The following PHKB variants were observed in gnomAD, a reference collection of about 807,000 sequenced individuals.
The protein encoded by PHKB is phosphorylase kinase regulatory subunit beta.
A neutral mutation model predicts 152.1 loss-of-function variants in PHKB; 122 were observed. The ratio of observed to expected loss-of-function variants is 0.80; its 90% CI spans 0.69 to 0.93. The LOEUF (loss-of-function observed/expected upper bound fraction) is 0.93, where lower values mean the gene tolerates loss of function less well. PHKB is among the 40% of genes least tolerant of loss of function. The pLI, the probability that PHKB is intolerant of heterozygous loss-of-function variation, is 0.00. For missense variants in PHKB, 1,304 were observed against 1,328.4 expected (o/e 0.98, Z 0.29); for synonymous variants, 436 against 464.9 (o/e 0.94, Z 0.80).
intron 14 of PHKB, among the ~76,000 whole-genome samples, chr16:47,612,737 A>C (rs1197922583): frequency 1.3e-5 from 2 of 152,146 alleles, no homozygotes; most frequent in East Asian, 3.9e-4. Context: ...GCAAAAAACT[A>C]CTGGGAGTGG....
chr16:47,567,793 T>C (rs1971594911), intron 7 of PHKB, among the ~76,000 whole-genome samples: 2 of 152,264 alleles, frequency 1.3e-5, no homozygotes, highest in South Asian at 4.1e-4. Flanking sequence ...TCTTTTAAAA[T>C]AATCGTATGG....
At chr16:47,548,861 A>T (rs1971221708) in intron 7 of PHKB, among the ~76,000 whole-genome samples, 1 of 152,164 alleles carries the variant, frequency 6.6e-6, no homozygotes, top group Non-Finnish European at 1.5e-5. Flanking sequence ...AATTGTTGTC[A>T]TTGTTGTAAT....
Position 47,593,719 on chromosome 16 carries a change from ACTC to A in PHKB, c.1126+163_1126+165del, listed in dbSNP as rs1972071560. Among the ~76,000 whole-genome samples, 6 of 152,096 alleles carry A rather than the reference ACTC, an allele frequency of 3.9e-5. No homozygotes were observed. In the South Asian group the frequency reaches 1.2e-3, roughly 32 times the overall value. On this transcript the variant is annotated intron_variant, in intron 11 of 30. Coordinates refer to ENST00000323584, the MANE Select transcript of PHKB (RefSeq NM_000293.3). ...TAATTGCCCTGCATTTGTATATACTACTCTTTTGCTTTCTGAGTGAATGCTAAA... is the reference window on the plus strand; with the variant it reads ...TAATTGCCCTGCATTTGTATATACTATTTTGCTTTCTGAGTGAATGCTAAA...
intron 1 of PHKB, among the ~76,000 whole-genome samples, chr16:47,478,086 A>C (rs1474392234): frequency 6.6e-6 from 1 of 152,186 alleles, no homozygotes; most frequent in African/African-American, 2.4e-5. Context: ...ATTTCTGGAA[A>C]AGTCTTGAAC....
Position 47,669,328 on chromosome 16 carries a change from G to A in PHKB, c.2541G>A (p.Ala847=), listed in dbSNP as rs778551862. The change falls in exon 26 of 31, where the codon GCG becomes GCA. Residue 847 remains alanine, a synonymous_variant. Transcript: ENST00000323584. The part of the protein sequence containing the change: ...YKCNTHDERE[A]VIQQELVIHI... ...GTAACACCCATGATGAGAGGGAAGC[G>A]GTCATTCAGCAAGAACTGGTCATCC... 27 of 1,613,914 alleles carry A rather than the reference G, an allele frequency of 1.7e-5. No individual in the cohort carries two copies. The highest frequency in any genetic ancestry group is 1.1e-4 in the East Asian group (5 of 44,890).
At chr16:47,468,068 A>G (rs1168628853) in intron 1 of PHKB, among the ~76,000 whole-genome samples, 1 of 152,204 alleles carries the variant, frequency 6.6e-6, no homozygotes, top group African/African-American at 2.4e-5. Flanking sequence ...TCAAGCTAAA[A>G]AGGTTATTCC....
chr16:47,471,962 A>G (rs1257578224), intron 1 of PHKB, among the ~76,000 whole-genome samples: 1 of 152,220 alleles, frequency 6.6e-6, no homozygotes, highest in African/African-American at 2.4e-5. Flanking sequence ...AGGCTGAGGC[A>G]GGAGAATGGC....
At chr16:47,496,139 C>T (rs1330403903) in intron 1 of PHKB, among the ~76,000 whole-genome samples, 1 of 148,316 alleles carries the variant, frequency 6.7e-6, no homozygotes, top group African/African-American at 2.5e-5. Context: ...TGATTTCTGC[C>T]ACTAGGTAAA....
intron 16 of PHKB, among the ~76,000 whole-genome samples, chr16:47,642,435 C>T (rs754169483): frequency 6.6e-6 from 1 of 152,162 alleles, no homozygotes; most frequent in Non-Finnish European, 1.5e-5. Context: ...GTTAGAGACA[C>T]GACATTGTTG....
intron 13 of PHKB, among the ~76,000 whole-genome samples, chr16:47,609,364 T>C (rs527518201): frequency 6.6e-6 from 1 of 150,830 alleles, no homozygotes; most frequent in South Asian, 2.1e-4. Flanking sequence ...AATTTTCTTG[T>C]GATACTTTGA....
chr16:47,661,155 C>A (rs1973437201), intron 22 of PHKB, among the ~76,000 whole-genome samples: 1 of 152,100 alleles, frequency 6.6e-6, no homozygotes, highest in Non-Finnish European at 1.5e-5. Flanking sequence ...CCCATCTTGT[C>A]CCCTGCCCCA....
intron 14 of PHKB, among the ~76,000 whole-genome samples, chr16:47,620,889 AT>A (rs200500860): frequency 0.038 from 5,749 of 151,756 alleles, 369 homozygotes; most frequent in African/African-American, 0.13. Flanking sequence ...AATAAAAAAT[AT>A]AAAAAAAAAG....
chr16:47,649,057 G>T, intron 17 of PHKB, 43 bp from the exon 18 acceptor site: 1 of 1,064,660 alleles, frequency 9.4e-7, no homozygotes, highest in Non-Finnish European at 1.5e-6. Flanking sequence ...TTTGCCTTTG[G>T]TATGTTCTTT....
rs143327014 is a variant in PHKB, at chr16:47,578,200, G to C, written c.711-2095G>C. Among the ~76,000 whole-genome samples, 1,154 of 152,142 alleles carry C rather than the reference G, an allele frequency of 7.6e-3. 20 individuals are homozygous for C. Among genetic ancestry groups the C allele is most frequent in the African/African-American group, 0.026 (1,093 of 41,502 alleles). ...TCTGTTTCTTACTTAAGGATTTCTG[G>C]TTTTTTGATTTGTTTCAAGCATGTT... On this transcript the variant is annotated intron_variant, in intron 7 of 30. Coordinates refer to ENST00000323584, the MANE Select transcript of PHKB (RefSeq NM_000293.3).
At chr16:47,666,310 A>G (rs1973538384) in intron 25 of PHKB, among the ~76,000 whole-genome samples, 1 of 152,190 alleles carries the variant, frequency 6.6e-6, no homozygotes. Context: ...TGGACCAATA[A>G]CTACTGAAGT....
At chr16:47,662,017 A>T (rs1234831798) in intron 23 of PHKB, among the ~76,000 whole-genome samples, 1 of 152,048 alleles carries the variant, frequency 6.6e-6, no homozygotes, top group Non-Finnish European at 1.5e-5. Context: ...GTGATGCTTG[A>T]TTGTTTCTCT....
chr16:47,665,322 G>A (rs1015844423), intron 25 of PHKB: 13 of 262,618 alleles, frequency 5.0e-5, no homozygotes, highest in Non-Finnish European at 8.8e-5. Context: ...TATTGCATGT[G>A]CTGTACTTTA....
At chr16:47,660,863 G>T (rs141510157) in intron 22 of PHKB, 44 bp downstream of exon 22, 1 of 1,590,262 alleles carries the variant, frequency 6.3e-7, no homozygotes, top group East Asian at 2.2e-5. Context: ...TGAGGTTGCT[G>T]GAGCAGAAGC....
At chr16:47,698,948 T>G (rs936537347) in intron 30 of PHKB, among the ~76,000 whole-genome samples, 1 of 152,138 alleles carries the variant, frequency 6.6e-6, no homozygotes, top group Non-Finnish European at 1.5e-5. Context: ...GCGTACTGCC[T>G]AATATAGGCC....
Sources: allele counts gnomAD v4.1 joint callset (sites outside exome capture counted in the v4.1 genomes callset), GRCh38; gene constraint gnomAD v4.1.1; transcripts MANE v1.5; gene names NCBI Gene and HGNC (gene_info 2026-07-23, HGNC 2026-07-21).